Variants in HHIPL1 observed in about 807,000 individuals in gnomAD.
HHIPL1 encodes the protein HHIP-like protein 1.
In HHIPL1, 43 loss-of-function variants were observed where a neutral mutation model predicts 61.8. The ratio of observed to expected loss-of-function variants is 0.70; its 90% CI spans 0.55 to 0.90. The LOEUF (loss-of-function observed/expected upper bound fraction) is 0.90, where lower values mean the gene tolerates loss of function less well. Ranked by LOEUF, HHIPL1 falls within the 40% of genes least tolerant of loss-of-function variation. The pLI is 0.00. For synonymous variants in HHIPL1, 482 were observed against 515.8 expected, an observed-to-expected ratio of 0.93 and a Z score of 0.89; for missense variants, 1,056 against 1,157.7, an observed-to-expected ratio of 0.91 and a Z score of 1.28.
At chr14:99,656,814 AG>A (rs1273450722) in intron 2 of HHIPL1, among the ~76,000 whole-genome samples, 185 bp from the exon 3 acceptor site, 364 of 3,580 alleles carry the variant, frequency 0.1, 88 homozygotes, top group East Asian at 0.62. Flanking sequence ...AAAGAAAGAA[AG>A]AAAGAAAGAA....
chr14:99,637,193 A>AAAGG, the HHIPL1 span, among the ~76,000 whole-genome samples: 3,487 of 83,286 alleles, frequency 0.042, 115 homozygotes, highest in East Asian at 0.14. Flanking sequence ...AGAATGGAAG[A>AAAGG]AAGAAAGGAA....
At chr14:99,670,918 A>G (rs557654620) in intron 7 of HHIPL1, among the ~76,000 whole-genome samples, 4 of 152,122 alleles carry the variant, frequency 2.6e-5, no homozygotes, top group Non-Finnish European at 4.4e-5. Context: ...GTGAGTGCCT[A>G]ATTCATGCCA....
the HHIPL1 span, among the ~76,000 whole-genome samples, chr14:99,630,839 C>G: frequency 1.3e-5 from 2 of 152,168 alleles, no homozygotes; most frequent in African/African-American, 4.8e-5. Flanking sequence ...TCCCCTGTCT[C>G]TCTCCTGGCC....
intron 2 of HHIPL1, among the ~76,000 whole-genome samples, 152 bp from the exon 3 acceptor site, chr14:99,656,841 AAGGAAGG>A (rs2056046698): frequency 3.8e-4 from 3 of 7,798 alleles, no homozygotes; most frequent in African/African-American, 8.9e-4. Flanking sequence ...GAAAGAAAGG[AAGGAAGG>A]AAGGAAGGAA....
In HHIPL1 at chr14:99,646,867, A is replaced by AATATAATATAATATG. The variant is rs1478340795; in HGVS notation, c.255+1409_255+1410insAATATAATATGATAT. Among the ~76,000 whole-genome samples, 308 of 92,624 alleles carry AATATAATATAATATG rather than the reference A, an allele frequency of 3.3e-3. 4 individuals are homozygous for AATATAATATAATATG. The highest frequency in any genetic ancestry group is 9.3e-3 in the South Asian group (26 of 2,782). The allele number at this position is 92,624 out of a possible 152,430, so 60.8% of individuals were successfully genotyped here. On this transcript the variant is annotated intron_variant, in intron 1 of 8. Transcript: ENST00000330710. ...AATATAATATAATATAATATGATAT[A>AATATAATATAATATG]ATATGATACATAAAATAAATAAAAT...
the HHIPL1 span, among the ~76,000 whole-genome samples, chr14:99,627,031 G>A: frequency 6.6e-6 from 1 of 152,122 alleles, no homozygotes; most frequent in South Asian, 2.1e-4. This position sits in a 1 kb window ranked among gnomAD's most constrained non-coding sequence, Gnocchi z 4.4. Flanking sequence ...TTGAGCCTGA[G>A]TCTGTCAGAG....
the HHIPL1 span, among the ~76,000 whole-genome samples, chr14:99,627,357 C>T: frequency 6.6e-6 from 1 of 152,062 alleles, no homozygotes. The surrounding 1 kb of genome is among the most constrained non-coding windows in gnomAD (Gnocchi z 4.4). Flanking sequence ...TCCATCCATC[C>T]ATCCATCCAT....
rs2056280651 is a variant in HHIPL1, at chr14:99,668,327, G to A, written c.1730+24G>A. 18 of 1,433,740 alleles carry A rather than the reference G, an allele frequency of 1.3e-5. No homozygotes were observed. The highest frequency in any genetic ancestry group is 1.8e-5 in the Non-Finnish European group (18 of 1,015,870). The allele number at this position is 1,433,740 out of a possible 1,614,324, so 88.8% of individuals were successfully genotyped here. ...AGGTGAGTCCCAGCCTCCAGGACAG[G>A]GAGCTCCTGCTGTCTGTCAGGCCTC... On this transcript the variant is annotated intron_variant, in intron 7 of 8. Transcript: ENST00000330710. The surrounding 1 kb of genome is among the most constrained non-coding windows in gnomAD (Gnocchi z 4.7).
chr14:99,645,359 G>C lies in HHIPL1; in HGVS notation c.152G>C (p.Gly51Ala), dbSNP rs1230259340. The C allele has an allele frequency of 6.9e-7, 1 of 1,447,714 alleles. No homozygotes were observed. Among genetic ancestry groups the C allele is most frequent in the African/African-American group, 1.5e-5 (1 of 67,674 alleles). The allele number at this position is 1,447,714 out of a possible 1,614,324, so 89.7% of individuals were successfully genotyped here. A position where few individuals can be genotyped will look rare whatever the true frequency, so the allele number is the denominator to read the frequency against. The change falls in exon 1 of 9, where the codon GGG becomes GCG. Residue 51 changes from glycine to alanine, a missense_variant. By Grantham distance (60) the Gly-to-Ala change is moderately conservative. Coordinates refer to ENST00000330710, the MANE Select transcript of HHIPL1 (RefSeq NM_001127258.3). ...TCGGACTTCGGCTGCTGCGATGAGG[G>C]GCGCGACGCCGAGCTGACCCGCCGC... is the stretch of plus-strand genomic sequence containing the variant. ...QYSDFGCCDE[G>A]RDAELTRRFW...
intron 6 of HHIPL1, among the ~76,000 whole-genome samples, chr14:99,665,640 GCC>G (rs2056231680): frequency 6.6e-6 from 1 of 152,188 alleles, no homozygotes; most frequent in African/African-American, 2.4e-5. Flanking sequence ...TTACTGTGTT[GCC>G]TAGGCAGGTG....
chr14:99,612,104 G>A, the HHIPL1 span, among the ~76,000 whole-genome samples: 4 of 152,184 alleles, frequency 2.6e-5, no homozygotes, highest in Non-Finnish European at 4.4e-5. Context: ...AAGGAAAGAG[G>A]CTTGATTGAC....
chr14:99,632,649 C>T, the HHIPL1 span, among the ~76,000 whole-genome samples: 1 of 152,224 alleles, frequency 6.6e-6, no homozygotes, highest in East Asian at 1.9e-4. Context: ...ACTGCATCAC[C>T]CCCAACTCTT....
chr14:99,656,820 AAAGAAAGAAAGAAAGAAAGG>A (rs1368310834), intron 2 of HHIPL1, among the ~76,000 whole-genome samples, 160 bp from the exon 3 acceptor site: 7 of 6,322 alleles, frequency 1.1e-3, no homozygotes, highest in African/African-American at 2.0e-3. Context: ...AGAAAGAAAG[AAAGAAAGAAAGAAAGAAAGG>A]AAGGAAGGAA....
the HHIPL1 span, among the ~76,000 whole-genome samples, chr14:99,618,066 C>T: frequency 6.6e-6 from 1 of 152,182 alleles, no homozygotes; most frequent in Non-Finnish European, 1.5e-5. Context: ...TCCAGGGGCT[C>T]CCAGCAGGGT....
the HHIPL1 span, among the ~76,000 whole-genome samples, chr14:99,605,243 G>A: frequency 6.6e-6 from 1 of 152,260 alleles, no homozygotes; most frequent in African/African-American, 2.4e-5. Context: ...GGGTCCGGGG[G>A]CGCCGAGCCG....
the HHIPL1 span, among the ~76,000 whole-genome samples, chr14:99,610,334 C>T: frequency 0.65 from 99,031 of 152,086 alleles, 35,214 homozygotes; most frequent in Middle Eastern, 0.88. Context: ...AGTATTACCA[C>T]TTCTGCTTTT....
the HHIPL1 span, among the ~76,000 whole-genome samples, chr14:99,634,702 T>A: frequency 6.6e-5 from 10 of 152,040 alleles, no homozygotes; most frequent in Non-Finnish European, 1.5e-4. Context: ...TTCTCTAGGG[T>A]CACGCAGTAA....
chr14:99,627,901 G>A, the HHIPL1 span, among the ~76,000 whole-genome samples: 1 of 152,204 alleles, frequency 6.6e-6, no homozygotes, highest in Admixed American at 6.5e-5. The surrounding 1 kb of genome is among the most constrained non-coding windows in gnomAD (Gnocchi z 4.4). Flanking sequence ...AGGAGAAGAA[G>A]GCAGGAAAGG....
In HHIPL1 at chr14:99,668,101, G is replaced by A. The variant is rs1423580446; in HGVS notation, c.1649-121G>A. 13 of 725,846 alleles carry A rather than the reference G, an allele frequency of 1.8e-5. No homozygotes were observed. Among genetic ancestry groups the A allele is most frequent in the African/African-American group, 6.9e-5 (4 of 58,160 alleles). The allele number at this position is 725,846 out of a possible 1,614,324, so 45.0% of individuals were successfully genotyped here. On this transcript the variant is annotated intron_variant, in intron 6 of 8. Coordinates refer to ENST00000330710, the MANE Select transcript of HHIPL1 (RefSeq NM_001127258.3). This position sits in a 1 kb window ranked among gnomAD's most constrained non-coding sequence, Gnocchi z 4.7. ...GCTAGACTGAGCTGGGATGCCTCAC[G>A]TGATGGCTAGCTGGGGTTGGGGTCT...
Sources: allele counts gnomAD v4.1 joint callset (sites outside exome capture counted in the v4.1 genomes callset), GRCh38; gene constraint gnomAD v4.1.1; non-coding constraint Gnocchi (gnomAD v3.1); transcripts MANE v1.5; gene names NCBI Gene and HGNC (gene_info 2026-07-23, HGNC 2026-07-21).